The following GDPGP1 variants were observed in gnomAD, a reference collection of about 807,000 sequenced individuals.
GDPGP1 encodes the protein GDP-D-glucose phosphorylase C15orf58.
Under a neutral mutation model 19.2 loss-of-function variants are expected in GDPGP1, and 18 were observed. The observed-to-expected ratio is 0.94, with a 90% confidence interval of 0.65 to 1.39. The LOEUF (loss-of-function observed/expected upper bound fraction) is 1.39. Ranked by LOEUF, GDPGP1 falls within the 40% of genes most tolerant of loss-of-function variation. The pLI, the probability that GDPGP1 is intolerant of heterozygous loss-of-function variation, is 0.00. For synonymous variants in GDPGP1, 219 were observed against 208.9 expected, an observed-to-expected ratio of 1.05 and a Z score of -0.42; for missense variants, 449 against 490.5, an observed-to-expected ratio of 0.92 and a Z score of 0.80.
intron 3 of GDPGP1, 156 bp from the exon 4 acceptor site, chr15:90,240,744 C>T (rs1362489877): frequency 1.4e-5 from 8 of 573,912 alleles, no homozygotes; most frequent in Non-Finnish European, 2.4e-5. Context: ...ACCCAGGAGG[C>T]GGAGGTTACA....
rs375868001 is a variant in GDPGP1, at chr15:90,241,261, C to G, written c.353C>G (p.Ala118Gly). The G allele has an allele frequency of 3.7e-6, 6 of 1,614,166 alleles. No homozygotes were observed. The highest frequency in any genetic ancestry group is 2.2e-5 in the East Asian group (1 of 44,882). The change falls in exon 4 of 4, where the codon GCA (alanine) becomes GGA (glycine). Residue 118 changes from alanine (A) to glycine (G), a missense_variant. Ala to Gly is a moderately conservative substitution (Grantham distance 60, BLOSUM62 0). Transcript: ENST00000329600. ...CAGACCATCAAGAGTGTGAGGCAGG[C>G]ATTTGACCCTGTACAGTTCAACTTC... ...PPQTIKSVRQ[A>G]FDPVQFNFNK...
intron 2 of GDPGP1, among the ~76,000 whole-genome samples, chr15:90,236,691 G>A (rs1269816749): frequency 2.0e-5 from 3 of 150,740 alleles, no homozygotes; most frequent in Non-Finnish European, 3.0e-5. Flanking sequence ...GCACCACCAC[G>A]CCCAGCTAAT....
chr15:90,236,123 C>G (rs1031096499), intron 2 of GDPGP1: 1 of 152,266 alleles, frequency 6.6e-6, no homozygotes, highest in Non-Finnish European at 1.5e-5. Context: ...ACCGCAACCT[C>G]CGCCTCCTGA....
chr15:90,237,048 T>C (rs1259014040), intron 2 of GDPGP1, among the ~76,000 whole-genome samples: 1 of 152,070 alleles, frequency 6.6e-6, no homozygotes, highest in African/African-American at 2.4e-5. Context: ...AACCTCTGCC[T>C]CCCAGATTCA....
Position 90,241,785 on chromosome 15 carries a change from CG to C in GDPGP1, c.881del (p.Gly294GlufsTer18). ...GATTGCTCATAACTTGTTTGTCACC[CG>C]GGGAGCTCCGCCGGGAAAGACATCA... ...HEIAHNLFVT[R>X]GAPPGKTSPS... is the part of the protein sequence containing the mutation. On this transcript the variant is annotated frameshift_variant, in exon 4 of 4. Coordinates refer to ENST00000329600, the MANE Select transcript of GDPGP1 (RefSeq NM_001013657.3). LOFTEE classifies it high-confidence loss of function. The C allele has an allele frequency of 1.2e-6, 2 of 1,614,204 alleles. No homozygotes were observed. The highest frequency in any genetic ancestry group is 1.7e-6 in the Non-Finnish European group (2 of 1,180,038).
rs560214914 is a variant in GDPGP1 at position 90,235,798 on chromosome 15, G to C, written c.-67+1202G>C. Reference sequence around the variant, plus strand: ...TTAGCCAGGATGGTCTGGATCTCCTGACCTCGTGATTCGCCCACCTCGGCC... The same window carrying C: ...TTAGCCAGGATGGTCTGGATCTCCTCACCTCGTGATTCGCCCACCTCGGCC... On this transcript the variant is annotated intron_variant, in intron 2 of 3. Transcript: ENST00000329600. Among the ~76,000 whole-genome samples, 52 of 152,076 alleles carry C rather than the reference G, an allele frequency of 3.4e-4. 1 individual carries two copies. In the South Asian group the frequency reaches 0.01, roughly 30 times the overall value.
In GDPGP1 at chr15:90,241,457, G is replaced by T. The variant is rs373465372; in HGVS notation, c.549G>T (p.Pro183=). 1 of 1,613,628 alleles carries T rather than the reference G, an allele frequency of 6.2e-7. No homozygotes were observed. The highest frequency in any genetic ancestry group is 8.5e-7 in the Non-Finnish European group (1 of 1,180,020). Residue 183 remains proline (P), a synonymous_variant, in exon 4 of 4, where the codon CCG becomes CCT. Coordinates refer to ENST00000329600, the MANE Select transcript of GDPGP1 (RefSeq NM_001013657.3). ...GCCAGCTCCCCCAGCGCCTGCTGCC[G>T]GGTGCACTGAGGGCAGGGATTGAGG... is the stretch of plus-strand genomic sequence containing the variant. The part of the protein sequence containing the change: ...PARQLPQRLL[P]GALRAGIEAV...
chr15:90,241,813 C>T lies in GDPGP1; in HGVS notation c.905C>T (p.Pro302Leu). The T allele has an allele frequency of 6.2e-7, 1 of 1,614,232 alleles. No individual in the cohort carries two copies. The highest frequency in any genetic ancestry group is 8.5e-7 in the Non-Finnish European group (1 of 1,180,034). The change falls in exon 4 of 4, where the codon CCT becomes CTT. Residue 302 changes from proline to leucine, a missense_variant. Physicochemically the swap from Pro to Leu is moderately conservative, Grantham distance 98 (BLOSUM62 -3). Coordinates refer to ENST00000329600, the MANE Select transcript of GDPGP1 (RefSeq NM_001013657.3). ...TRGAPPGKTS[P>L]SSALTGVRVI... ...GGAGCTCCGCCGGGAAAGACATCAC[C>T]TTCCTCAGCCCTCACAGGGGTCCGA...
rs146611941 is a variant in GDPGP1, at chr15:90,241,626, C to G, written c.718C>G (p.Pro240Ala). Residue 240 changes from proline (P) to alanine (A), a missense_variant, in exon 4 of 4, where the codon CCT becomes GCT. Pro to Ala is a conservative substitution (Grantham distance 27). Coordinates refer to ENST00000329600, the MANE Select transcript of GDPGP1 (RefSeq NM_001013657.3). Reference protein sequence around the residue: ...VEQAPSEPLDPGGHLHLLQDL... With the variant: ...VEQAPSEPLDAGGHLHLLQDL... ...GCAGGCGCCAAGCGAGCCCCTGGAC[C>G]CTGGAGGCCATTTGCATCTGCTCCA... 1 of 1,614,156 alleles carries G rather than the reference C, an allele frequency of 6.2e-7. No individual in the cohort carries two copies. The highest frequency in any genetic ancestry group is 8.5e-7 in the Non-Finnish European group (1 of 1,180,038).
rs111646134 is a variant in GDPGP1 at position 90,239,710 on chromosome 15, A to G, written c.-10+1162A>G. Among the ~76,000 whole-genome samples, 1,319 of 152,326 alleles carry G rather than the reference A, an allele frequency of 8.7e-3. 29 individuals are homozygous for G. Among genetic ancestry groups the G allele is most frequent in the African/African-American group, 0.03 (1,257 of 41,572 alleles). On this transcript the variant is annotated intron_variant, in intron 3 of 3. Coordinates refer to ENST00000329600, the MANE Select transcript of GDPGP1 (RefSeq NM_001013657.3). ...AGACATAGCCAAACCATATCTATCT[A>G]TCTATCTATTTTTTTGAGACAGAGT... is the stretch of plus-strand genomic sequence containing the variant.
At chr15:90,235,772 GT>G (rs1824617013) in intron 2 of GDPGP1, among the ~76,000 whole-genome samples, 1 of 151,990 alleles carries the variant, frequency 6.6e-6, no homozygotes, top group South Asian at 2.1e-4. Context: ...GTTTCACCCT[GT>G]TAGCCAGGAT....
At chr15:90,237,222 G>A (rs1962653885) in intron 2 of GDPGP1, among the ~76,000 whole-genome samples, 1 of 151,150 alleles carries the variant, frequency 6.6e-6, no homozygotes, top group African/African-American at 2.4e-5. Context: ...GCCCCCCAGA[G>A]TGCTGGGATT....
rs1880001216 is a variant in GDPGP1, at chr15:90,234,586, T to A, written c.-77T>A. 6.6e-6 allele frequency: 1 copy of A among 152,140 alleles called. No individual in the cohort carries two copies. The allele number at this position is 152,140 out of a possible 1,614,324, so 9.4% of individuals were successfully genotyped here. A position where few individuals can be genotyped will look rare whatever the true frequency, so the allele number is the denominator to read the frequency against. ...ATAGTTTTCTTCGATTGTTGCAACA[T>A]CCCTTGCGAGGTAGGTTCCCATTTT... On this transcript the variant is annotated 5_prime_UTR_variant, in exon 2 of 4. Transcript: ENST00000329600.
chr15:90,240,922 A>G lies in GDPGP1; in HGVS notation c.14A>G (p.His5Arg), dbSNP rs1455106082. 4.3e-6 allele frequency: 7 copies of G among 1,613,316 alleles called. No homozygotes were observed. Among genetic ancestry groups the G allele is most frequent in the African/African-American group, 1.3e-5 (1 of 74,908 alleles). ...CAGGTCAGCTCTATGGCTCTTCCAC[A>G]TGATTCAAACGAAACTTCCTATTTG... MALPHDSNETSYLLP... is the reference protein window; with the variant it reads MALPRDSNETSYLLP... The change falls in exon 4 of 4, where the codon CAT becomes CGT. Residue 5 changes from histidine (H) to arginine (R), a missense_variant. His to Arg is a conservative substitution (Grantham distance 29). Coordinates refer to ENST00000329600, the MANE Select transcript of GDPGP1 (RefSeq NM_001013657.3).
Position 90,242,253 on chromosome 15 carries a change from C to CT in GDPGP1, c.*212dup, listed in dbSNP as rs141541505. The CT allele has an allele frequency of 2.4e-3, 215 of 89,248 alleles. No homozygotes were observed. The highest frequency in any genetic ancestry group is 3.6e-3 in the South Asian group (10 of 2,796). 5.5% of individuals were successfully genotyped at this position (89,248 alleles called of 1,614,324 possible). A position where few individuals can be genotyped will look rare whatever the true frequency, so the allele number is the denominator to read the frequency against. ...TAGGCGTGCACCACCACACACCTGGCTTTTTTTTTTTTTTTTTTTTTTTTT... is the reference window on the plus strand; with the variant it reads ...TAGGCGTGCACCACCACACACCTGGCTTTTTTTTTTTTTTTTTTTTTTTTTT... On this transcript the variant is annotated 3_prime_UTR_variant, in exon 4 of 4. Transcript: ENST00000329600.
At chr15:90,239,027 A>C (rs1941566816) in intron 3 of GDPGP1, among the ~76,000 whole-genome samples, 1 of 152,234 alleles carries the variant, frequency 6.6e-6, no homozygotes. Context: ...TAAAAACATG[A>C]CATGTTCAAT....
rs371699554 is a variant in GDPGP1 at position 90,241,431 on chromosome 15, C to G, written c.523C>G (p.Arg175Gly). 9 of 1,613,448 alleles carry G rather than the reference C, an allele frequency of 5.6e-6. No homozygotes were observed. Among genetic ancestry groups the G allele is most frequent in the Non-Finnish European group, 6.8e-6 (8 of 1,180,038 alleles). Residue 175 changes from arginine (R) to glycine (G), a missense_variant, in exon 4 of 4, where the codon CGC becomes GGC. Arg to Gly is a moderately radical substitution (Grantham distance 125). Transcript: ENST00000329600. ...CGTGCTGCTGGTGCCTGAGCCTGCC[C>G]GCCAGCTCCCCCAGCGCCTGCTGCC... ...GHVLLVPEPARQLPQRLLPGA... is the reference protein window; with the variant it reads ...GHVLLVPEPAGQLPQRLLPGA...
intron 2 of GDPGP1, among the ~76,000 whole-genome samples, chr15:90,235,507 C>CT (rs1962614652): frequency 6.6e-6 from 1 of 152,016 alleles, no homozygotes; most frequent in Non-Finnish European, 1.5e-5. Flanking sequence ...GAGTGAGACT[C>CT]TGTCTCAAAA....
Position 90,240,558 on chromosome 15 carries a change from A to G in GDPGP1, c.-9-342A>G, listed in dbSNP as rs149191918. On this transcript the variant is annotated intron_variant, in intron 3 of 3. Transcript: ENST00000329600. Reference sequence around the variant, plus strand: ...CTGTGCATGTTGGTTCATGCCTGTAATCCCAGCACTTTGGGAGGCCAAGGC... The same window carrying G: ...CTGTGCATGTTGGTTCATGCCTGTAGTCCCAGCACTTTGGGAGGCCAAGGC... Among the ~76,000 whole-genome samples, 152 of 152,066 alleles carry G rather than the reference A, an allele frequency of 1.0e-3. 1 individual carries two copies. Among genetic ancestry groups the G allele is most frequent in the African/African-American group, 3.6e-3 (149 of 41,472 alleles).
Sources: gnomAD v4.1 joint callset for allele counts (sites outside exome capture counted in the v4.1 genomes callset) on GRCh38, gnomAD v4.1.1 for gene constraint, MANE v1.5 for transcripts, NCBI Gene and HGNC (gene_info 2026-07-23, HGNC 2026-07-21) for gene names.